WWC2: variants seen among roughly 807,000 people sequenced by gnomAD.
WWC2 encodes protein WWC2.
WWC2 carries 101 observed loss-of-function variants against 138.5 expected under a neutral mutation model. That is an observed-to-expected ratio of 0.73 (90% CI 0.62 to 0.86). WWC2 has a LOEUF of 0.86. Ranked by LOEUF, WWC2 falls within the 40% of genes least tolerant of loss-of-function variation. The pLI, the probability that WWC2 is intolerant of heterozygous loss-of-function variation, is 0.00. For synonymous variants in WWC2, 558 were observed against 538.4 expected, an observed-to-expected ratio of 1.04 and a Z score of -0.50; for missense variants, 1,420 against 1,419.4, an observed-to-expected ratio of 1.00 and a Z score of -0.01.
chr4:183,134,345 A>C (rs2111080089), intron 1 of WWC2, among the ~76,000 whole-genome samples: 1 of 151,920 alleles, frequency 6.6e-6, no homozygotes. Context: ...AACCTCTTAA[A>C]AGGGATGCTT....
At chr4:183,154,758 C>T (rs1733746633) in intron 1 of WWC2, among the ~76,000 whole-genome samples, 1 of 152,168 alleles carries the variant, frequency 6.6e-6, no homozygotes, top group Admixed American at 6.5e-5. Flanking sequence ...CCCCTATCTG[C>T]AGTTGTGGCG....
At chr4:183,310,031 T>C (rs1739156786) in intron 21 of WWC2, among the ~76,000 whole-genome samples, 1 of 152,072 alleles carries the variant, frequency 6.6e-6, no homozygotes, top group Non-Finnish European at 1.5e-5. Context: ...GCAGAGCCAG[T>C]GAAGAGATCA....
At chr4:183,287,767 C>A (rs1357859244) in intron 20 of WWC2, among the ~76,000 whole-genome samples, 1 of 152,104 alleles carries the variant, frequency 6.6e-6, no homozygotes, top group East Asian at 1.9e-4. Flanking sequence ...AGAGGGGTAC[C>A]GACCGGCAGA....
intron 9 of WWC2, among the ~76,000 whole-genome samples, chr4:183,255,988 A>T (rs1443746264): frequency 6.6e-6 from 1 of 151,626 alleles, no homozygotes; most frequent in Non-Finnish European, 1.5e-5. Context: ...ATTTAGTGAG[A>T]TCCAGCCACT....
chr4:183,315,938 T>A lies in WWC2; in HGVS notation c.*209T>A. On this transcript the variant is annotated 3_prime_UTR_variant, in exon 23 of 23. Transcript: ENST00000403733. ...TTTTATATGCTTAAAAAAGAAAAAA[T>A]CATATAAGAAAGATGGGATAACCTG... 2 of 472,612 alleles carry A rather than the reference T, an allele frequency of 4.2e-6. No homozygotes were observed. Among genetic ancestry groups the A allele is most frequent in the Non-Finnish European group, 7.6e-6 (2 of 262,648 alleles). The allele number at this position is 472,612 out of a possible 1,614,324, so 29.3% of individuals were successfully genotyped here. A position where few individuals can be genotyped will look rare whatever the true frequency, so the allele number is the denominator to read the frequency against.
intron 17 of WWC2, among the ~76,000 whole-genome samples, chr4:183,282,294 A>G (rs1738101181): frequency 6.6e-6 from 1 of 152,246 alleles, no homozygotes. Context: ...TACACTCAAT[A>G]AAATGAGGAT....
At chr4:183,126,201 G>A (rs1301208390) in intron 1 of WWC2, among the ~76,000 whole-genome samples, 4 of 152,136 alleles carry the variant, frequency 2.6e-5, no homozygotes, top group African/African-American at 7.2e-5. Context: ...TTGTTCATTG[G>A]GGTATTCAGA....
At chr4:183,151,222 A>G (rs1433204978) in intron 1 of WWC2, among the ~76,000 whole-genome samples, 1 of 152,090 alleles carries the variant, frequency 6.6e-6, no homozygotes, top group Non-Finnish European at 1.5e-5. Context: ...CTTTTTAATG[A>G]TCGCTGTTCT....
intron 1 of WWC2, among the ~76,000 whole-genome samples, chr4:183,130,528 T>G (rs867570106): frequency 3.9e-5 from 6 of 152,248 alleles, no homozygotes; most frequent in Admixed American, 3.3e-4. Flanking sequence ...GGGCACTGAT[T>G]ATGTACTTGA....
At chr4:183,187,280 G>T (rs370803171) in intron 1 of WWC2, among the ~76,000 whole-genome samples, 4 of 152,024 alleles carry the variant, frequency 2.6e-5, no homozygotes, top group Non-Finnish European at 5.9e-5. Context: ...GGGGCTGGGC[G>T]CAGTGGCTCA....
At chr4:183,136,571 G>A (rs1167320031) in intron 1 of WWC2, among the ~76,000 whole-genome samples, 7 of 152,106 alleles carry the variant, frequency 4.6e-5, no homozygotes, top group African/African-American at 1.7e-4. Context: ...ATGGGGATAC[G>A]TTCCGAGAAA....
intron 20 of WWC2, among the ~76,000 whole-genome samples, chr4:183,287,541 G>T (rs1446268286): frequency 6.6e-6 from 1 of 152,116 alleles, no homozygotes; most frequent in South Asian, 2.1e-4. Context: ...AACAGACAAA[G>T]GTTAATCCTG....
intron 21 of WWC2, among the ~76,000 whole-genome samples, chr4:183,301,832 A>C (rs1478403811): frequency 6.6e-6 from 1 of 152,236 alleles, no homozygotes; most frequent in Non-Finnish European, 1.5e-5. Context: ...AGAGGTTACC[A>C]CTGTTGACAA....
chr4:183,307,289 A>G (rs1333302136), intron 21 of WWC2, among the ~76,000 whole-genome samples: 1 of 152,240 alleles, frequency 6.6e-6, no homozygotes, highest in African/African-American at 2.4e-5. Flanking sequence ...GAACTAAATG[A>G]AAAACAACTT....
chr4:183,208,240 T>C (rs1193877871), intron 3 of WWC2, 84 bp downstream of exon 3: 1 of 1,396,046 alleles, frequency 7.2e-7, no homozygotes, highest in Non-Finnish European at 9.8e-7. Flanking sequence ...CTATGGAGTT[T>C]AATTTTGAGT....
At chr4:183,156,080 A>G (rs1733795591) in intron 1 of WWC2, among the ~76,000 whole-genome samples, 2 of 151,514 alleles carry the variant, frequency 1.3e-5, no homozygotes, top group African/African-American at 4.9e-5. Flanking sequence ...AGATTGGAGT[A>G]CAGTGGCGTG....
At position 183,296,750 on chromosome 4, in the gene WWC2, G is replaced by A. The variant is rs571691668; in HGVS notation, c.3384+7115G>A. Among the ~76,000 whole-genome samples, 11 of 151,656 alleles carry A rather than the reference G, an allele frequency of 7.3e-5. No homozygotes were observed. The South Asian group carries it at 1.3e-3, about 17-fold the overall frequency. On this transcript the variant is annotated intron_variant, in intron 21 of 22. Transcript: ENST00000403733. Reference sequence around the variant, plus strand: ...AGATCGAAACCACCCTGGCTAACGCGGTGAAACCCCCTCTCTACTAAAAAC... The same window carrying A: ...AGATCGAAACCACCCTGGCTAACGCAGTGAAACCCCCTCTCTACTAAAAAC...
chr4:183,232,784 A>G (rs1378370299), intron 4 of WWC2, among the ~76,000 whole-genome samples: 1 of 152,058 alleles, frequency 6.6e-6, no homozygotes, highest in African/African-American at 2.4e-5. Context: ...AGTAGCTGGG[A>G]TTACAGGCGC....
At chr4:183,124,868 A>C (rs1229931155) in intron 1 of WWC2, among the ~76,000 whole-genome samples, 1 of 152,164 alleles carries the variant, frequency 6.6e-6, no homozygotes, top group East Asian at 1.9e-4. Context: ...TTGTACTTAC[A>C]GTTTTGAATT....
Sources: gnomAD v4.1 joint callset for allele counts (sites outside exome capture counted in the v4.1 genomes callset) on GRCh38, gnomAD v4.1.1 for gene constraint, MANE v1.5 for transcripts, NCBI Gene and HGNC (gene_info 2026-07-23, HGNC 2026-07-21) for gene names.